Variants in PARD3B observed in about 807,000 individuals in gnomAD.
PARD3B encodes par-3 family cell polarity regulator beta, also known as partitioning defective 3 homolog B.
Under a neutral mutation model 130.2 loss-of-function variants are expected in PARD3B, and 103 were observed. That is an observed-to-expected ratio of 0.79 (90% CI 0.67 to 0.93). The LOEUF (loss-of-function observed/expected upper bound fraction) is 0.93. Among genes scored for constraint, PARD3B ranks in the 40% least tolerant of loss-of-function variants. The pLI, the probability that PARD3B is intolerant of heterozygous loss-of-function variation, is 0.00. For synonymous variants in PARD3B, 583 were observed against 553.2 expected, an observed-to-expected ratio of 1.05 and a Z score of -0.76; for missense variants, 1,609 against 1,499.2, an observed-to-expected ratio of 1.07 and a Z score of -1.21.
chr2:205,071,497 T>C (rs1700727492), intron 4 of PARD3B, among the ~76,000 whole-genome samples: 1 of 152,240 alleles, frequency 6.6e-6, no homozygotes, highest in African/African-American at 2.4e-5. Context: ...ATAATTGTTT[T>C]ATCACTGAGT....
chr2:205,240,789 A>G (rs1046287454), intron 15 of PARD3B, among the ~76,000 whole-genome samples: 2 of 152,342 alleles, frequency 1.3e-5, no homozygotes, highest in Non-Finnish European at 2.9e-5. Flanking sequence ...AATGCTATCA[A>G]TAAGCAAGGG....
intron 11 of PARD3B, among the ~76,000 whole-genome samples, chr2:205,170,890 A>G (rs907220855): frequency 6.8e-6 from 1 of 147,624 alleles, no homozygotes; most frequent in African/African-American, 2.5e-5. Flanking sequence ...TCCTTTCCCT[A>G]TTTTTGTGTT....
At chr2:205,147,503 G>C (rs1451463549) in intron 10 of PARD3B, among the ~76,000 whole-genome samples, 1 of 152,110 alleles carries the variant, frequency 6.6e-6, no homozygotes, top group African/African-American at 2.4e-5. Context: ...TCTAGTATTA[G>C]ATTAATCCTT....
At chr2:205,516,705 C>T (rs961089618) in intron 21 of PARD3B, among the ~76,000 whole-genome samples, 2 of 152,088 alleles carry the variant, frequency 1.3e-5, no homozygotes, top group African/African-American at 2.4e-5. Context: ...AAAATCATAT[C>T]GTCTGCAAAC....
rs1171207224 is a variant in PARD3B at position 205,258,872 on chromosome 2, TA to T, written c.2185+13051del. The stretch of plus-strand genomic sequence containing the variant: ...TTTATTTTCAGTTTTAAATTTGGAC[TA>T]CTTTTTAATGACCTTTTTTCCCTCT... On this transcript the variant is annotated intron_variant, in intron 16 of 22. Transcript: ENST00000406610. The surrounding 1 kb of genome is among the most constrained non-coding windows in gnomAD (Gnocchi z 4.9). Among the ~76,000 whole-genome samples the T allele has an allele frequency of 2.0e-5, 3 of 152,350 alleles. No homozygotes were observed. In the East Asian group the frequency reaches 5.8e-4, roughly 29 times the overall value.
In PARD3B at chr2:204,890,415, A is replaced by G. The variant is rs981872988; in HGVS notation, c.223-74737A>G. 3.9e-5 allele frequency among the ~76,000 whole-genome samples: 6 copies of G among 152,248 alleles called. No homozygotes were observed. The highest frequency in any genetic ancestry group is 8.8e-5 in the Non-Finnish European group (6 of 68,052). On this transcript the variant is annotated intron_variant, in intron 2 of 22. Coordinates refer to ENST00000406610, the MANE Select transcript of PARD3B (RefSeq NM_001302769.2). The surrounding 1 kb of genome is among the most constrained non-coding windows in gnomAD (Gnocchi z 4.9). ...TAGTCAAGAAGTTTCATTTGCCTCC[A>G]CATTCAAGGGTGGGAGTATCTCAGT...
At chr2:205,031,303 C>T (rs1485446161) in intron 3 of PARD3B, among the ~76,000 whole-genome samples, 1 of 152,192 alleles carries the variant, frequency 6.6e-6, no homozygotes, top group Non-Finnish European at 1.5e-5. Flanking sequence ...TAGACAAGCA[C>T]AGCACAAAGA....
At chr2:205,219,317 A>C (rs1244158183) in intron 15 of PARD3B, among the ~76,000 whole-genome samples, 1 of 152,224 alleles carries the variant, frequency 6.6e-6, no homozygotes, top group Non-Finnish European at 1.5e-5. Context: ...AGATGAGTTC[A>C]CTAGAGTGTG....
At chr2:205,171,890 C>G (rs2035193442) in intron 11 of PARD3B, among the ~76,000 whole-genome samples, 1 of 152,134 alleles carries the variant, frequency 6.6e-6, no homozygotes, top group Non-Finnish European at 1.5e-5. Context: ...TGGTCTCCGC[C>G]AGAGCAAATG....
intron 18 of PARD3B, among the ~76,000 whole-genome samples, chr2:205,336,107 G>A (rs2043306062): frequency 6.6e-6 from 1 of 152,132 alleles, no homozygotes; most frequent in South Asian, 2.1e-4. Context: ...ACGCACCTCG[G>A]CCTCCCAAAG....
chr2:204,923,531 T>C (rs1228924361), intron 2 of PARD3B, among the ~76,000 whole-genome samples: 2 of 152,108 alleles, frequency 1.3e-5, no homozygotes, highest in African/African-American at 4.8e-5. Flanking sequence ...AAAGCCTAGA[T>C]ATATGTGCAG....
intron 1 of PARD3B, among the ~76,000 whole-genome samples, chr2:204,585,881 C>A (rs186873161): frequency 6.6e-6 from 1 of 152,204 alleles, no homozygotes; most frequent in African/African-American, 2.4e-5. Flanking sequence ...CCTTTGAAGA[C>A]TAGTTACTTC....
chr2:204,589,617 G>A (rs949604775), intron 1 of PARD3B, among the ~76,000 whole-genome samples: 5 of 152,182 alleles, frequency 3.3e-5, no homozygotes, highest in African/African-American at 7.2e-5. Context: ...GGCACTGAGA[G>A]CAAGTTTGAC....
intron 18 of PARD3B, among the ~76,000 whole-genome samples, chr2:205,324,398 T>TTAAAA (rs1477665710): frequency 2.6e-5 from 4 of 152,280 alleles, no homozygotes; most frequent in Admixed American, 1.3e-4. Context: ...CTCATTTTTA[T>TTAAAA]TAAAATAAAA....
chr2:205,546,167 T>C (rs1010595208), intron 21 of PARD3B, among the ~76,000 whole-genome samples: 1 of 152,176 alleles, frequency 6.6e-6, no homozygotes, highest in African/African-American at 2.4e-5. Flanking sequence ...TCACAGGCTG[T>C]CATAATCCAG....
intron 21 of PARD3B, among the ~76,000 whole-genome samples, chr2:205,548,071 C>A (rs1042446512): frequency 6.6e-6 from 1 of 152,136 alleles, no homozygotes; most frequent in African/African-American, 2.4e-5. Flanking sequence ...TCCTGGTTTT[C>A]TTCTGAACCA....
At chr2:204,680,447 A>AT (rs1164728096) in intron 1 of PARD3B, among the ~76,000 whole-genome samples, 3 of 151,718 alleles carry the variant, frequency 2.0e-5, no homozygotes, top group East Asian at 3.9e-4. Flanking sequence ...AATTTATTTT[A>AT]TTTTTCTTGA....
chr2:205,113,393 G>GGT (rs3217407), intron 5 of PARD3B, 98 bp from the exon 6 acceptor site: 9,860 of 567,612 alleles, frequency 0.017, 138 homozygotes, highest in African/African-American at 0.031. Context: ...CCTGAGCAGG[G>GGT]GTGTGTGTGT....
rs57462873 is a variant in PARD3B, at chr2:204,891,186, C to CTT, written c.223-73951_223-73950dup. Among the ~76,000 whole-genome samples the CTT allele has an allele frequency of 8.2e-4, 113 of 138,498 alleles. 4 individuals are homozygous for CTT. The highest frequency in any genetic ancestry group is 5.1e-4 in the Admixed American group (7 of 13,774). 90.9% of individuals were successfully genotyped at this position (138,498 alleles called of 152,430 possible). The stretch of plus-strand genomic sequence containing the variant: ...TGTGTGTTTTCTCTTAAGTCCTTTT[C>CTT]TTTTTTTTTTTTTTTTAACCTTGTG... On this transcript the variant is annotated intron_variant, in intron 2 of 22. Coordinates refer to ENST00000406610, the MANE Select transcript of PARD3B (RefSeq NM_001302769.2).
Sources: allele counts gnomAD v4.1 joint callset (sites outside exome capture counted in the v4.1 genomes callset), GRCh38; gene constraint gnomAD v4.1.1; non-coding constraint Gnocchi (gnomAD v3.1); transcripts MANE v1.5; gene names NCBI Gene and HGNC (gene_info 2026-07-23, HGNC 2026-07-21).